RGS5: variants seen among roughly 807,000 people sequenced by gnomAD.
The protein encoded by RGS5 is regulator of G protein signaling 5.
In RGS5, 20 loss-of-function variants were observed where a neutral mutation model predicts 18.9. That is an observed-to-expected ratio of 1.06 (90% confidence interval 0.74 to 1.54). The LOEUF is 1.54. Among genes scored for constraint, RGS5 ranks in the 40% most tolerant of loss-of-function variants. The probability of loss-of-function intolerance (pLI) is 0.00; values close to 1 mark genes in which losing one functional copy is unlikely to be tolerated. For synonymous variants in RGS5, 57 were observed against 76.2 expected, an observed-to-expected ratio of 0.75 and a Z score of 1.31; for missense variants, 201 against 211.8, an observed-to-expected ratio of 0.95 and a Z score of 0.32.
chr1:163,215,794 G>T (rs1298094927), intron 1 of RGS5, among the ~76,000 whole-genome samples: 2 of 152,144 alleles, frequency 1.3e-5, no homozygotes, highest in Admixed American at 1.3e-4. Context: ...GCCAGGCACA[G>T]TGGCTCACAC....
chr1:163,242,135 G>A (rs1438931758), intron 2 of RGS5, among the ~76,000 whole-genome samples: 1 of 152,140 alleles, frequency 6.6e-6, no homozygotes, highest in Non-Finnish European at 1.5e-5. Context: ...ATGTCTTATA[G>A]ATGAGATCTA....
At chr1:163,211,297 G>A (rs182388739) in intron 1 of RGS5, 8 of 152,282 alleles carry the variant, frequency 5.3e-5, no homozygotes, top group Admixed American at 5.2e-4. Context: ...ATAGGAGAAT[G>A]AAATGTGAGC....
At chr1:163,222,524 C>T (rs560348048), upstream of RGS5, among the ~76,000 whole-genome samples, 5 of 152,274 alleles carry the variant, frequency 3.3e-5, no homozygotes, top group East Asian at 5.8e-4. Context: ...ATTGGATTCT[C>T]AACAGTCAGT....
intron 2 of RGS5, among the ~76,000 whole-genome samples, chr1:163,235,050 G>A (rs1482231656): frequency 6.6e-6 from 1 of 152,168 alleles, no homozygotes; most frequent in Non-Finnish European, 1.5e-5. Context: ...TTCAGGACAG[G>A]GGATAAAAAT....
chr1:163,155,656 G>C (rs1657551339), intron 3 of RGS5, among the ~76,000 whole-genome samples: 1 of 152,140 alleles, frequency 6.6e-6, no homozygotes, highest in African/African-American at 2.4e-5. Context: ...TTGGGTCAGA[G>C]TCAAACACAA....
intron 2 of RGS5, among the ~76,000 whole-genome samples, chr1:163,277,433 A>G (rs543304428): frequency 7.2e-5 from 11 of 152,330 alleles, no homozygotes; most frequent in Non-Finnish European, 1.5e-4. Flanking sequence ...TGTATCAGAT[A>G]CTTTTTGGTT....
intron 2 of RGS5, among the ~76,000 whole-genome samples, chr1:163,272,722 T>C (rs577253578): frequency 5.3e-5 from 8 of 152,218 alleles, no homozygotes; most frequent in Non-Finnish European, 1.0e-4. Context: ...TAACCATAGA[T>C]ATATGGGTTT....
At chr1:163,147,610 A>G in intron 4 of RGS5, 107 bp from the exon 5 acceptor site, 2 of 1,052,096 alleles carry the variant, frequency 1.9e-6, no homozygotes, top group Non-Finnish European at 2.6e-6. Context: ...GAGGGGAGGA[A>G]AGTCATTAAA....
At chr1:163,292,836 C>G (rs566772781) in intron 2 of RGS5, among the ~76,000 whole-genome samples, 1 of 151,016 alleles carries the variant, frequency 6.6e-6, no homozygotes, top group South Asian at 2.1e-4. Flanking sequence ...TGTTTTTGTT[C>G]ATGTCCTTTG....
chr1:163,222,124 G>A (rs540714401), upstream of RGS5, among the ~76,000 whole-genome samples: 1 of 152,104 alleles, frequency 6.6e-6, no homozygotes, highest in South Asian at 2.1e-4. Flanking sequence ...TATTACCTCA[G>A]GGGTCCCCAA....
chr1:163,309,468 T>G (rs1374813249), intron 1 of RGS5, among the ~76,000 whole-genome samples: 1 of 151,080 alleles, frequency 6.6e-6, no homozygotes, highest in Admixed American at 6.6e-5. Context: ...TAGAGAATCT[T>G]TACCAGCAAT....
chr1:163,183,617 A>C (rs1452471064), intron 1 of RGS5, among the ~76,000 whole-genome samples: 2 of 152,254 alleles, frequency 1.3e-5, no homozygotes, highest in Non-Finnish European at 2.9e-5. Flanking sequence ...AATAATGTTG[A>C]TAATATCTAC....
At chr1:163,151,628 G>T (rs1256827010) in intron 4 of RGS5, among the ~76,000 whole-genome samples, 1 of 152,162 alleles carries the variant, frequency 6.6e-6, no homozygotes, top group Non-Finnish European at 1.5e-5. Context: ...TTTATAAGGG[G>T]CTTCCCCCTT....
chr1:163,261,731 T>A (rs1648441973), intron 2 of RGS5, among the ~76,000 whole-genome samples: 1 of 152,182 alleles, frequency 6.6e-6, no homozygotes, highest in Non-Finnish European at 1.5e-5. Context: ...AAGCTTTTTG[T>A]CCTTTCCTAG....
At chr1:163,291,660 C>A (rs1265032756) in intron 2 of RGS5, among the ~76,000 whole-genome samples, 1 of 152,124 alleles carries the variant, frequency 6.6e-6, no homozygotes, top group East Asian at 1.9e-4. Flanking sequence ...ATGCACCAAC[C>A]ACTCCTGTGG....
chr1:163,147,960 T>G (rs1336838599), intron 4 of RGS5, among the ~76,000 whole-genome samples: 1 of 132,042 alleles, frequency 7.6e-6, no homozygotes, highest in Non-Finnish European at 1.5e-5. Flanking sequence ...AGTCTAGTTC[T>G]GTCACTCAGG....
At chr1:163,319,344 G>C (rs1000842668) in intron 1 of RGS5, 1 of 152,202 alleles carries the variant, frequency 6.6e-6, no homozygotes, top group African/African-American at 2.4e-5. Flanking sequence ...ACAACAAATT[G>C]CAGATGCATA....
At chr1:163,148,702 A>G (rs933466087) in intron 4 of RGS5, among the ~76,000 whole-genome samples, 1 of 152,192 alleles carries the variant, frequency 6.6e-6, no homozygotes, top group African/African-American at 2.4e-5. Flanking sequence ...GGGCCACTAC[A>G]TTGCAACCAT....
intron 2 of RGS5, among the ~76,000 whole-genome samples, chr1:163,260,929 A>G (rs1030277546): frequency 1.3e-5 from 2 of 152,184 alleles, no homozygotes; most frequent in Non-Finnish European, 2.9e-5. Context: ...GTGACCATGA[A>G]GTGCTGACAG....
Sources: gnomAD v4.1 joint callset for allele counts (sites outside exome capture counted in the v4.1 genomes callset) on GRCh38, gnomAD v4.1.1 for gene constraint, MANE v1.5 for transcripts, NCBI Gene and HGNC (gene_info 2026-07-23, HGNC 2026-07-21) for gene names.